The following GRK3 variants were observed in gnomAD, a reference collection of about 807,000 sequenced individuals.
GRK3 encodes G protein-coupled receptor kinase 3.
In GRK3, 54 loss-of-function variants were observed where a neutral mutation model predicts 95.7. That is an observed-to-expected ratio of 0.56 (90% CI 0.45 to 0.71). The LOEUF (loss-of-function observed/expected upper bound fraction) is 0.71. Ranked by LOEUF, GRK3 falls within the 30% of genes least tolerant of loss-of-function variation. GRK3 has a pLI of 0.00. For synonymous variants in GRK3, 281 were observed against 290.8 expected (o/e 0.97, Z 0.34); for missense variants, 649 against 851.2 (o/e 0.76, Z 2.96).
intron 17 of GRK3, among the ~76,000 whole-genome samples, chr22:25,711,598 T>G (rs1163966172): frequency 6.6e-6 from 1 of 151,914 alleles, no homozygotes; most frequent in Non-Finnish European, 1.5e-5. Context: ...ATAATCACTG[T>G]TTTTTTTAAT....
rs770081037 is a variant in GRK3 at position 25,661,593 on chromosome 22, A to G, written c.282A>G (p.Lys94=). Residue 94 remains lysine, a synonymous_variant, in exon 4 of 21, where the codon AAA becomes AAG. Transcript: ENST00000324198. ...AAACCTAGATAAAGGAATATGAAAA[A>G]CTTGATAATGAGGAAGACCGCCTTT... ...KFYEEIKEYE[K]LDNEEDRLCR... is the part of the protein sequence containing the mutation. 5.6e-6 allele frequency: 9 copies of G among 1,611,332 alleles called. No individual in the cohort carries two copies. The highest frequency in any genetic ancestry group is 7.6e-6 in the Non-Finnish European group (9 of 1,178,108).
At chr22:25,674,653 A>C in intron 8 of GRK3, 125 bp downstream of exon 8, 1 of 755,678 alleles carries the variant, frequency 1.3e-6, no homozygotes, top group Non-Finnish European at 2.2e-6. Flanking sequence ...TTACCTCCAA[A>C]AGAAATAAGC....
Position 25,725,529 on chromosome 22 carries a change from T to C in GRK3, c.*3079T>C, listed in dbSNP as rs2085466411. On this transcript the variant is annotated 3_prime_UTR_variant, in exon 21 of 21. Coordinates refer to ENST00000324198, the MANE Select transcript of GRK3 (RefSeq NM_005160.4). The stretch of plus-strand genomic sequence containing the variant: ...GCTCATTGGTTTTCCTTCTTTGTCA[T>C]ATTTAAGTATGATTTTTCAACAAAA... The C allele has an allele frequency of 7.5e-6, 3 of 398,514 alleles. No individual in the cohort carries two copies. The highest frequency in any genetic ancestry group is 3.6e-5 in the East Asian group (1 of 28,096). The allele number at this position is 398,514 out of a possible 1,614,324, so 24.7% of individuals were successfully genotyped here.
At chr22:25,689,600 A>C (rs147480603) in intron 11 of GRK3, among the ~76,000 whole-genome samples, 4 of 152,332 alleles carry the variant, frequency 2.6e-5, no homozygotes, top group Admixed American at 2.6e-4. Context: ...GATACATTTC[A>C]TCAGAGTTGT....
At chr22:25,621,682 A>G (rs2084587185) in intron 2 of GRK3, among the ~76,000 whole-genome samples, 1 of 152,164 alleles carries the variant, frequency 6.6e-6, no homozygotes, top group Non-Finnish European at 1.5e-5. Context: ...GACCTTTTGG[A>G]TTAGCTTTGA....
At chr22:25,714,684 A>G (rs2085369671) in intron 18 of GRK3, 114 bp downstream of exon 18, 3 of 979,348 alleles carry the variant, frequency 3.1e-6, no homozygotes, top group South Asian at 3.7e-5. Context: ...GAAGAAAGCA[A>G]TGCCATAAAT....
chr22:25,585,101 C>G (rs1601452612), intron 1 of GRK3, among the ~76,000 whole-genome samples: 1 of 152,406 alleles, frequency 6.6e-6, no homozygotes, highest in East Asian at 1.9e-4. Context: ...CCACAGCTTT[C>G]CCTCATCCTG....
chr22:25,592,276 A>G (rs1240903324), intron 1 of GRK3, among the ~76,000 whole-genome samples: 1 of 152,156 alleles, frequency 6.6e-6, no homozygotes, highest in African/African-American at 2.4e-5. Context: ...TGCCACCCAC[A>G]TATCTTCTTT....
intron 2 of GRK3, among the ~76,000 whole-genome samples, chr22:25,633,856 A>C (rs993634815): frequency 2.0e-5 from 3 of 152,158 alleles, no homozygotes; most frequent in African/African-American, 7.2e-5. Flanking sequence ...TAATTTGATA[A>C]TTTGATTATT....
chr22:25,652,210 G>A (rs1256740080), intron 3 of GRK3, among the ~76,000 whole-genome samples: 4 of 152,110 alleles, frequency 2.6e-5, no homozygotes, highest in South Asian at 2.1e-4. Flanking sequence ...CAAGGCAGGC[G>A]GATCACGAGG....
chr22:25,673,291 T>C (rs919043641), intron 7 of GRK3, among the ~76,000 whole-genome samples: 2 of 152,180 alleles, frequency 1.3e-5, no homozygotes, highest in African/African-American at 4.8e-5. Context: ...CTCTATCTCC[T>C]GACCTCATGA....
chr22:25,648,766 A>C, intron 3 of GRK3: 1 of 1,162,266 alleles, frequency 8.6e-7, no homozygotes, highest in South Asian at 1.2e-5. Context: ...GCATATATTA[A>C]AAGAATGAAC....
chr22:25,645,533 G>A (rs1181786625), intron 3 of GRK3, among the ~76,000 whole-genome samples: 1 of 152,200 alleles, frequency 6.6e-6, no homozygotes. Context: ...GGAGGCCAAA[G>A]AGCTAAGCTG....
intron 1 of GRK3, among the ~76,000 whole-genome samples, chr22:25,572,570 C>T (rs1569148592): frequency 2.0e-5 from 3 of 152,110 alleles, no homozygotes; most frequent in Non-Finnish European, 2.9e-5. Flanking sequence ...GGTATCTCAT[C>T]GCACTCACAC....
chr22:25,657,694 C>A (rs1044161801), intron 3 of GRK3, among the ~76,000 whole-genome samples: 1 of 151,892 alleles, frequency 6.6e-6, no homozygotes, highest in Non-Finnish European at 1.5e-5. Context: ...TTTCTTGAAT[C>A]TGTAAATTTA....
chr22:25,591,031 T>C (rs1932471933), intron 1 of GRK3, among the ~76,000 whole-genome samples: 1 of 152,178 alleles, frequency 6.6e-6, no homozygotes, highest in African/African-American at 2.4e-5. Context: ...TCCCCACTGC[T>C]AGGTTAAGGG....
intron 3 of GRK3, among the ~76,000 whole-genome samples, chr22:25,646,784 A>C (rs1308952046): frequency 6.6e-6 from 1 of 152,176 alleles, no homozygotes; most frequent in African/African-American, 2.4e-5. Flanking sequence ...GCACTTTGAG[A>C]GGCCAAGGCG....
At chr22:25,618,779 C>T (rs1248780306) in intron 2 of GRK3, among the ~76,000 whole-genome samples, 2 of 151,168 alleles carry the variant, frequency 1.3e-5, no homozygotes, top group African/African-American at 2.4e-5. Context: ...TCTTGATGCC[C>T]TCACCTCAGC....
chr22:25,631,724 G>A (rs2084665616), intron 2 of GRK3, among the ~76,000 whole-genome samples: 1 of 152,102 alleles, frequency 6.6e-6, no homozygotes, highest in African/African-American at 2.4e-5. Context: ...CAAATTCCTG[G>A]TGACCCTTCG....
Sources: gnomAD v4.1 joint callset for allele counts (sites outside exome capture counted in the v4.1 genomes callset) on GRCh38, gnomAD v4.1.1 for gene constraint, MANE v1.5 for transcripts, NCBI Gene and HGNC (gene_info 2026-07-23, HGNC 2026-07-21) for gene names.